CORO2B: variants seen among roughly 807,000 people sequenced by gnomAD.
CORO2B encodes the protein coronin-2B.
In CORO2B, 26 loss-of-function variants were observed where a neutral mutation model predicts 58.8. That is an observed-to-expected ratio of 0.44 (90% CI 0.32 to 0.61). The LOEUF (loss-of-function observed/expected upper bound fraction) is 0.61. Ranked by LOEUF, CORO2B falls within the 20% of genes least tolerant of loss-of-function variation. The pLI is 0.04. For synonymous variants in CORO2B, 242 were observed against 253.8 expected, an observed-to-expected ratio of 0.95 and a Z score of 0.44; for missense variants, 460 against 645.1, an observed-to-expected ratio of 0.71 and a Z score of 3.11.
the CORO2B span, among the ~76,000 whole-genome samples, chr15:68,533,682 C>G: frequency 6.6e-6 from 1 of 152,114 alleles, no homozygotes; most frequent in Middle Eastern, 3.2e-3. Context: ...CCATTCCTCC[C>G]CAAGCATAGT....
At chr15:68,538,421 T>G in the CORO2B span, among the ~76,000 whole-genome samples, 3 of 152,262 alleles carry the variant, frequency 2.0e-5, no homozygotes, top group African/African-American at 7.2e-5. Context: ...GTATGTGCCC[T>G]CTGGAACCTC....
intron 1 of CORO2B, among the ~76,000 whole-genome samples, chr15:68,640,279 C>T (rs1901168627): frequency 1.3e-5 from 2 of 152,230 alleles, no homozygotes; most frequent in South Asian, 4.1e-4. Flanking sequence ...TGTGTGCTCA[C>T]ACATTCCCCC....
chr15:68,551,082 G>C, the CORO2B span, among the ~76,000 whole-genome samples: 5 of 152,068 alleles, frequency 3.3e-5, no homozygotes, highest in Non-Finnish European at 7.4e-5. Context: ...GGGGGGAAGA[G>C]GGCCCAGGCT....
At chr15:68,543,234 C>T in the CORO2B span, among the ~76,000 whole-genome samples, 1 of 152,282 alleles carries the variant, frequency 6.6e-6, no homozygotes, top group African/African-American at 2.4e-5. Flanking sequence ...TGACCTTGAA[C>T]AAGTCATGTC....
At chr15:68,521,260 G>A in the CORO2B span, among the ~76,000 whole-genome samples, 2 of 152,004 alleles carry the variant, frequency 1.3e-5, no homozygotes, top group African/African-American at 2.4e-5. Flanking sequence ...CCATTAGCTT[G>A]TCAGTTTTAC....
rs564919018 is a variant in CORO2B, at chr15:68,691,725, A to G, written c.217-3415A>G. Among the ~76,000 whole-genome samples, 86 of 151,164 alleles carry G rather than the reference A, an allele frequency of 5.7e-4. 1 individual carries two copies. The South Asian group carries it at 0.018, about 31-fold the overall frequency. ...TCTAGAAAGACTTGTCTCCTTCCCG[A>G]GTGCAGGGCTCTGGCCACTCCTTCT... On this transcript the variant is annotated intron_variant, in intron 2 of 11. Transcript: ENST00000261861.
At chr15:68,534,144 C>A in the CORO2B span, among the ~76,000 whole-genome samples, 1 of 152,254 alleles carries the variant, frequency 6.6e-6, no homozygotes. Flanking sequence ...AACCACCCCA[C>A]CTAGAAGACT....
At chr15:68,578,983 C>T (rs1017644177), upstream of CORO2B, 12 of 975,004 alleles carry the variant, frequency 1.2e-5, no homozygotes, top group South Asian at 5.2e-4. The surrounding 1 kb of genome is among the most constrained non-coding windows in gnomAD (Gnocchi z 4.2). Flanking sequence ...CCCTCTCCCT[C>T]TCTCCCTTTC....
intron 2 of CORO2B, among the ~76,000 whole-genome samples, chr15:68,680,013 GTC>G (rs1295211224): frequency 1.3e-5 from 2 of 152,060 alleles, no homozygotes; most frequent in Non-Finnish European, 2.9e-5. Flanking sequence ...CCAGGGCTGA[GTC>G]TCTATGGTGT....
intron 1 of CORO2B, among the ~76,000 whole-genome samples, chr15:68,595,806 C>A (rs556680811): frequency 6.6e-6 from 1 of 152,314 alleles, no homozygotes; most frequent in East Asian, 1.9e-4. Context: ...GACGGGCAAA[C>A]AAATACGGAT....
Position 68,711,537 on chromosome 15 carries a change from C to T in CORO2B, c.484-5C>T, listed in dbSNP as rs756409753. On this transcript the variant is annotated splice_region_variant and splice_polypyrimidine_tract_variant and intron_variant, in intron 4 of 11. Coordinates refer to ENST00000261861, the MANE Select transcript of CORO2B (RefSeq NM_006091.5). ...ACCCTGCCTCCCATGCATCTGCCCT[C>T]GCAGGTCCTCATCTGGAACCTGGAT... The T allele has an allele frequency of 4.5e-5, 73 of 1,609,280 alleles. No homozygotes were observed. Among genetic ancestry groups the T allele is most frequent in the South Asian group, 9.9e-5 (9 of 90,830 alleles).
At chr15:68,666,815 A>C (rs959093758) in intron 2 of CORO2B, among the ~76,000 whole-genome samples, 22 of 152,190 alleles carry the variant, frequency 1.4e-4, no homozygotes, top group African/African-American at 4.8e-4. Context: ...CTGAGTCCCC[A>C]AAAATGATAA....
intron 1 of CORO2B, among the ~76,000 whole-genome samples, chr15:68,593,349 A>G (rs1385200831): frequency 6.6e-6 from 1 of 152,226 alleles, no homozygotes; most frequent in Non-Finnish European, 1.5e-5. Context: ...GGGACCTGCA[A>G]ATGAAATAGT....
chr15:68,545,609 G>C, the CORO2B span, among the ~76,000 whole-genome samples: 3 of 130,040 alleles, frequency 2.3e-5, no homozygotes, highest in East Asian at 2.2e-4. Context: ...GGAATGCGGG[G>C]GGCGGGGGGG....
At chr15:68,672,656 A>T (rs1902442227) in intron 2 of CORO2B, among the ~76,000 whole-genome samples, 1 of 152,236 alleles carries the variant, frequency 6.6e-6, no homozygotes, top group Non-Finnish European at 1.5e-5. Context: ...CAAGTGATAC[A>T]GTGGCTCAGC....
chr15:68,587,155 G>A (rs1899587761), intron 1 of CORO2B, among the ~76,000 whole-genome samples: 1 of 151,814 alleles, frequency 6.6e-6, no homozygotes, highest in Non-Finnish European at 1.5e-5. Flanking sequence ...AGGAGGCTGA[G>A]GCAGGAGATC....
intron 2 of CORO2B, among the ~76,000 whole-genome samples, chr15:68,656,177 G>A (rs867495147): frequency 9.0e-5 from 7 of 78,020 alleles, no homozygotes; most frequent in African/African-American, 2.5e-4. Context: ...CGTCCCCCCC[G>A]CCCCCCGACC....
At chr15:68,633,845 A>C (rs919205888) in intron 1 of CORO2B, among the ~76,000 whole-genome samples, 4 of 152,166 alleles carry the variant, frequency 2.6e-5, no homozygotes, top group African/African-American at 9.7e-5. Flanking sequence ...TGGGAAGGGG[A>C]AGGCCCATCA....
intron 1 of CORO2B, among the ~76,000 whole-genome samples, chr15:68,622,762 C>T (rs1900564099): frequency 6.6e-6 from 1 of 152,218 alleles, no homozygotes; most frequent in Non-Finnish European, 1.5e-5. Context: ...AAGGCAGACA[C>T]AGGCTCTGTC....
Sources: gnomAD v4.1 joint callset for allele counts (sites outside exome capture counted in the v4.1 genomes callset) on GRCh38, gnomAD v4.1.1 for gene constraint, Gnocchi (gnomAD v3.1) non-coding constraint, MANE v1.5 for transcripts, NCBI Gene and HGNC (gene_info 2026-07-23, HGNC 2026-07-21) for gene names.